The following EBF3 variants were observed in gnomAD, a reference collection of about 807,000 sequenced individuals.
EBF3 encodes the protein transcription factor COE3.
Under a neutral mutation model 77.1 loss-of-function variants are expected in EBF3, and 18 were observed. The observed-to-expected ratio is 0.23, with a 90% CI of 0.16 to 0.35. The LOEUF is 0.35. EBF3 is among the 10% of genes least tolerant of loss of function. EBF3 has a pLI of 1.00. For missense variants in EBF3, 558 were observed against 860.0 expected, an observed-to-expected ratio of 0.65 and a Z score of 4.39; for synonymous variants, 350 against 343.5, an observed-to-expected ratio of 1.02 and a Z score of -0.21.
At chr10:129,918,095 G>T (rs551959677) in intron 6 of EBF3, among the ~76,000 whole-genome samples, 1 of 152,328 alleles carries the variant, frequency 6.6e-6, no homozygotes, top group African/African-American at 2.4e-5. Context: ...AGGGGCCCAG[G>T]TGGCCTTCCA....
chr10:129,948,061 A>T (rs1371215494), intron 6 of EBF3, among the ~76,000 whole-genome samples: 1 of 152,062 alleles, frequency 6.6e-6, no homozygotes, highest in African/African-American at 2.4e-5. Flanking sequence ...GTTCGAGACC[A>T]GCCTGACCAA....
chr10:129,954,182 C>CT (rs1411930168), intron 6 of EBF3, among the ~76,000 whole-genome samples: 2 of 152,234 alleles, frequency 1.3e-5, no homozygotes, highest in South Asian at 4.2e-4. Flanking sequence ...ACCATAGATA[C>CT]TTTTTTCCTG....
chr10:129,960,606 CAG>C (rs1859430446), intron 4 of EBF3, among the ~76,000 whole-genome samples: 4 of 147,568 alleles, frequency 2.7e-5, no homozygotes, highest in Non-Finnish European at 4.5e-5. Flanking sequence ...ACTCTTTGAT[CAG>C]TTACTGGGCT....
At chr10:129,930,153 G>A (rs566533252) in intron 6 of EBF3, among the ~76,000 whole-genome samples, 102 of 152,258 alleles carry the variant, frequency 6.7e-4, no homozygotes, top group African/African-American at 1.4e-3. Flanking sequence ...TCAGGCCTTC[G>A]CCCTCAGATT....
In EBF3 at chr10:129,952,014, G is replaced by T. The variant is rs1225695963; in HGVS notation, c.554+5244C>A. Among the ~76,000 whole-genome samples, 1 of 152,230 alleles carries T rather than the reference G, an allele frequency of 6.6e-6. No homozygotes were observed. Among genetic ancestry groups the T allele is most frequent in the Non-Finnish European group, 1.5e-5 (1 of 68,042 alleles). On this transcript the variant is annotated intron_variant, in intron 6 of 16. Transcript: ENST00000440978. This position sits in a 1 kb window ranked among gnomAD's most constrained non-coding sequence, Gnocchi z 4.7. ...CCTGAGCCCGGCGAAGCCAAATGGG[G>T]CCGGTGCCAGCCAGAATCAGATTCT... is the stretch of plus-strand genomic sequence containing the variant.
intron 10 of EBF3, among the ~76,000 whole-genome samples, chr10:129,858,618 G>A (rs1250062518): frequency 1.3e-5 from 2 of 152,178 alleles, no homozygotes; most frequent in African/African-American, 4.8e-5. Flanking sequence ...GGCCAGTGGG[G>A]AGATTCCCAG....
intron 6 of EBF3, among the ~76,000 whole-genome samples, chr10:129,951,085 G>A (rs1480789932): frequency 1.3e-5 from 2 of 152,164 alleles, no homozygotes; most frequent in Non-Finnish European, 2.9e-5. Flanking sequence ...AGCCACCTAT[G>A]CCTAGCAAAG....
chr10:129,907,815 A>G (rs138245811), intron 6 of EBF3, among the ~76,000 whole-genome samples: 1 of 152,336 alleles, frequency 6.6e-6, no homozygotes, highest in Non-Finnish European at 1.5e-5. Context: ...ACGTTGTCGC[A>G]TGTAAAGTGC....
intron 8 of EBF3, among the ~76,000 whole-genome samples, chr10:129,868,511 C>T (rs11016985): frequency 0.37 from 56,160 of 152,208 alleles, 13,003 homozygotes; most frequent in Non-Finnish European, 0.5. Context: ...ATCCCCGCGC[C>T]GCTGGCGTGA....
intron 6 of EBF3, among the ~76,000 whole-genome samples, chr10:129,946,575 T>C (rs914842383): frequency 2.6e-5 from 4 of 152,218 alleles, no homozygotes; most frequent in African/African-American, 9.6e-5. Flanking sequence ...CTATGTGTCA[T>C]AATATTCTGA....
intron 5 of EBF3, 36 bp from the exon 6 acceptor site, chr10:129,957,362 A>C: frequency 5.9e-6 from 9 of 1,526,362 alleles, no homozygotes; most frequent in Non-Finnish European, 7.9e-6. Flanking sequence ...TTTAATATGC[A>C]TTTCCCCCTT....
In EBF3 at chr10:129,940,834, G is replaced by A. The variant is rs558466455; in HGVS notation, c.554+16424C>T. Among the ~76,000 whole-genome samples, 42 of 152,228 alleles carry A rather than the reference G, an allele frequency of 2.8e-4. 1 individual carries two copies. The highest frequency in any genetic ancestry group is 4.7e-4 in the Non-Finnish European group (32 of 68,014). ...GAAGGCAGAGGGCACCGCCCACCCC[G>A]GAAACCTGTCACCAGGGCTGCCATA... On this transcript the variant is annotated intron_variant, in intron 6 of 16. Coordinates refer to ENST00000440978, the MANE Select transcript of EBF3 (RefSeq NM_001375380.1).
At chr10:129,882,350 T>G (rs1454021026) in intron 6 of EBF3, among the ~76,000 whole-genome samples, 7 of 152,242 alleles carry the variant, frequency 4.6e-5, no homozygotes, top group Admixed American at 2.6e-4. Flanking sequence ...CTTTGTGGTG[T>G]TGTTCAGGAC....
chr10:129,932,337 C>T (rs1857079306), intron 6 of EBF3, among the ~76,000 whole-genome samples: 1 of 152,194 alleles, frequency 6.6e-6, no homozygotes, highest in Non-Finnish European at 1.5e-5. Flanking sequence ...GCAGCCAGCC[C>T]TCACCCCTGC....
chr10:129,846,768 C>T (rs927140483), intron 11 of EBF3, among the ~76,000 whole-genome samples: 6 of 152,018 alleles, frequency 3.9e-5, no homozygotes, highest in Admixed American at 6.6e-5. Flanking sequence ...GTTCAGTGAT[C>T]GTTTTATGTG....
At position 129,842,958 on chromosome 10, in the gene EBF3, T is replaced by C. The variant is rs1363931271; in HGVS notation, c.1194+179A>G. On this transcript the variant is annotated intron_variant, in intron 12 of 16. Coordinates refer to ENST00000440978, the MANE Select transcript of EBF3 (RefSeq NM_001375380.1). This position sits in a 1 kb window ranked among gnomAD's most constrained non-coding sequence, Gnocchi z 4.4. ...GCTTTTGGGTCCTGACACCAACTCA[T>C]CATTTCTACGTGAACCTAGCGTGAG... Among the ~76,000 whole-genome samples, 1 of 152,008 alleles carries C rather than the reference T, an allele frequency of 6.6e-6. No individual in the cohort carries two copies. Among genetic ancestry groups the C allele is most frequent in the Admixed American group, 6.6e-5 (1 of 15,264 alleles).
At chr10:129,925,388 G>A (rs1856598842) in intron 6 of EBF3, among the ~76,000 whole-genome samples, 1 of 151,864 alleles carries the variant, frequency 6.6e-6, no homozygotes, top group Non-Finnish European at 1.5e-5. Flanking sequence ...TCAGGAGTTC[G>A]AGACCAGGCT....
rs1293575376 is a variant in EBF3 at position 129,963,308 on chromosome 10, G to A, written c.291+59C>T. The A allele has an allele frequency of 6.5e-7, 1 of 1,547,320 alleles. No homozygotes were observed. The highest frequency in any genetic ancestry group is 8.7e-7 in the Non-Finnish European group (1 of 1,149,354). On this transcript the variant is annotated intron_variant, in intron 2 of 16. Transcript: ENST00000440978. This position sits in a 1 kb window ranked among gnomAD's most constrained non-coding sequence, Gnocchi z 7.1. ...GGGGCACTCGAACCCCCGCGCACCGGCACCGCCTGCCTCCCGCTTCTAGAA... is the reference window on the plus strand; with the variant it reads ...GGGGCACTCGAACCCCCGCGCACCGACACCGCCTGCCTCCCGCTTCTAGAA...
At chr10:129,958,892 C>T (rs370705877) in intron 5 of EBF3, 42 bp downstream of exon 5, 2 of 1,574,284 alleles carry the variant, frequency 1.3e-6, no homozygotes, top group Admixed American at 1.8e-5. Context: ...CAGCTGGCGC[C>T]GAGGCAGCCC....
Sources: gnomAD v4.1 joint callset for allele counts (sites outside exome capture counted in the v4.1 genomes callset) on GRCh38, gnomAD v4.1.1 for gene constraint, Gnocchi (gnomAD v3.1) non-coding constraint, MANE v1.5 for transcripts, NCBI Gene and HGNC (gene_info 2026-07-23, HGNC 2026-07-21) for gene names.